Variants in ORAI2 observed in about 807,000 individuals in gnomAD.
The protein encoded by ORAI2 is ORAI calcium release-activated calcium modulator 2, also known as protein orai-2.
Under a neutral mutation model 16.2 loss-of-function variants are expected in ORAI2, and 10 were observed. That is an observed-to-expected ratio of 0.62 (90% CI 0.38 to 1.04). ORAI2 has a LOEUF of 1.04. ORAI2 is among the 50% of genes least tolerant of loss of function. The pLI, the probability that ORAI2 is intolerant of heterozygous loss-of-function variation, is 0.01. For missense variants in ORAI2, 238 were observed against 355.5 expected (o/e 0.67, Z 2.66); for synonymous variants, 150 against 157.5 (o/e 0.95, Z 0.35).
chr7:102,438,832 C>A, intron 2 of ORAI2, 112 bp from the exon 3 acceptor site: 1 of 932,088 alleles, frequency 1.1e-6, no homozygotes, highest in Non-Finnish European at 1.7e-6. Flanking sequence ...AACCCCTGGG[C>A]TCTGGCGTGG....
At position 102,451,524 on chromosome 7, in the gene ORAI2, T is replaced by C. The variant is rs1195028562; in HGVS notation, c.*4472T>C. 6 of 152,224 alleles carry C rather than the reference T, an allele frequency of 3.9e-5. No homozygotes were observed. The highest frequency in any genetic ancestry group is 1.4e-4 in the African/African-American group (6 of 41,462). The allele number at this position is 152,224 out of a possible 1,614,324, so 9.4% of individuals were successfully genotyped here. On this transcript the variant is annotated 3_prime_UTR_variant, in exon 4 of 4. Transcript: ENST00000495936. ...TGATCTATGCATGGCGTTATGTAGATCACGTGCGGCAGAGACAGCCACTGT... is the reference window on the plus strand; with the variant it reads ...TGATCTATGCATGGCGTTATGTAGACCACGTGCGGCAGAGACAGCCACTGT...
At chr7:102,438,462 A>T (rs1484862341) in intron 2 of ORAI2, among the ~76,000 whole-genome samples, 1 of 152,182 alleles carries the variant, frequency 6.6e-6, no homozygotes, top group Non-Finnish European at 1.5e-5. Flanking sequence ...AGTAGAGTCA[A>T]ATCCAGGTTT....
intron 3 of ORAI2, among the ~76,000 whole-genome samples, chr7:102,442,454 C>T (rs1797231309): frequency 6.6e-6 from 1 of 151,958 alleles, no homozygotes; most frequent in African/African-American, 2.4e-5. Flanking sequence ...TTTGGGAGGC[C>T]GAGGCGGGCA....
Position 102,447,950 on chromosome 7 carries a change from C to T in ORAI2, c.*898C>T, listed in dbSNP as rs1421718251. 2 of 152,372 alleles carry T rather than the reference C, an allele frequency of 1.3e-5. No homozygotes were observed. Among genetic ancestry groups the T allele is most frequent in the African/African-American group, 4.8e-5 (2 of 41,482 alleles). The allele number at this position is 152,372 out of a possible 1,614,324, so 9.4% of individuals were successfully genotyped here. On this transcript the variant is annotated 3_prime_UTR_variant, in exon 4 of 4. Coordinates refer to ENST00000495936, the MANE Select transcript of ORAI2 (RefSeq NM_001126340.3). Reference sequence around the variant, plus strand: ...CACAGAATGGCCTCTAAGGCTGACTCAGCCACTCCCTTGGGCTGTGGCAGC... The same window carrying T: ...CACAGAATGGCCTCTAAGGCTGACTTAGCCACTCCCTTGGGCTGTGGCAGC...
chr7:102,445,797 C>A (rs1797337535), intron 3 of ORAI2, among the ~76,000 whole-genome samples: 1 of 151,936 alleles, frequency 6.6e-6, no homozygotes, highest in South Asian at 2.1e-4. Context: ...TCACTTCTTT[C>A]TTTTGTTTCC....
At position 102,446,950 on chromosome 7, in the gene ORAI2, C is replaced by T; in HGVS notation, c.663C>T (p.Ser221=). The T allele has an allele frequency of 6.2e-7, 1 of 1,612,096 alleles. No individual in the cohort carries two copies. The highest frequency in any genetic ancestry group is 8.5e-7 in the Non-Finnish European group (1 of 1,179,858). ...TCTTCACCATCCACTTCTACCGCTC[C>T]CTGGTGCGCCACAAAACGGAGCGCC... ...FVVFTIHFYR[S]LVRHKTERHN... is the part of the protein sequence containing the mutation. Residue 221 remains serine (S), a synonymous_variant, in exon 4 of 4, where the codon TCC becomes TCT. Coordinates refer to ENST00000495936, the MANE Select transcript of ORAI2 (RefSeq NM_001126340.3).
intron 3 of ORAI2, among the ~76,000 whole-genome samples, chr7:102,439,475 G>C (rs1797141956): frequency 6.6e-6 from 1 of 152,174 alleles, no homozygotes; most frequent in Admixed American, 6.5e-5. Flanking sequence ...GGTAATTATA[G>C]TAGCTCAGGT....
Position 102,447,788 on chromosome 7 carries a change from G to A in ORAI2, c.*736G>A. 6.6e-6 allele frequency: 1 copy of A among 152,324 alleles called. No individual in the cohort carries two copies. The highest frequency in any genetic ancestry group is 1.5e-5 in the Non-Finnish European group (1 of 68,042). The allele number at this position is 152,324 out of a possible 1,614,324, so 9.4% of individuals were successfully genotyped here. A position where few individuals can be genotyped will look rare whatever the true frequency, so the allele number is the denominator to read the frequency against. On this transcript the variant is annotated 3_prime_UTR_variant, in exon 4 of 4. Transcript: ENST00000495936. ...CCCTTGAGGAGGCTGAGTTATTTGA[G>A]GGCTGCTGCAAAGTACGCTAGGCTC... is the stretch of plus-strand genomic sequence containing the variant.
At chr7:102,439,549 C>T (rs1456924663) in intron 3 of ORAI2, among the ~76,000 whole-genome samples, 3 of 152,008 alleles carry the variant, frequency 2.0e-5, no homozygotes, top group Non-Finnish European at 4.4e-5. Flanking sequence ...AGCTTGAGGC[C>T]AGGAGTTTGA....
intron 3 of ORAI2, among the ~76,000 whole-genome samples, chr7:102,444,539 A>T (rs1348150308): frequency 8.9e-6 from 1 of 111,984 alleles, no homozygotes; most frequent in African/African-American, 3.5e-5. Flanking sequence ...AAGTGCTGGG[A>T]TTACAGGCAT....
At position 102,446,581 on chromosome 7, in the gene ORAI2, C is replaced by T. The variant is rs762489480; in HGVS notation, c.294C>T (p.Ser98=). 10 of 1,613,484 alleles carry T rather than the reference C, an allele frequency of 6.2e-6. No individual in the cohort carries two copies. Among genetic ancestry groups the T allele is most frequent in the East Asian group, 2.2e-5 (1 of 44,882 alleles). Residue 98 remains serine, a synonymous_variant, in exon 4 of 4, where the codon AGC becomes AGT. Coordinates refer to ENST00000495936, the MANE Select transcript of ORAI2 (RefSeq NM_001126340.3). ...QYPRPLLIAF[S]ACTTVLVAVH... Reference sequence around the variant, plus strand: ...CGCGGCCGCTGCTGATTGCCTTCAGCGCCTGCACCACGGTGCTGGTGGCCG... The same window carrying T: ...CGCGGCCGCTGCTGATTGCCTTCAGTGCCTGCACCACGGTGCTGGTGGCCG...
At chr7:102,434,759 C>A (rs982256605) in intron 1 of ORAI2, 1 of 152,730 alleles carries the variant, frequency 6.5e-6, no homozygotes, top group Non-Finnish European at 1.5e-5. Flanking sequence ...TCATGCTGCC[C>A]AGACCCTCTG....
rs959027404 is a variant in ORAI2, at chr7:102,449,646, G to A, written c.*2594G>A. On this transcript the variant is annotated 3_prime_UTR_variant, in exon 4 of 4. Coordinates refer to ENST00000495936, the MANE Select transcript of ORAI2 (RefSeq NM_001126340.3). ...CGCTTGAACGCAGGAGGCAGAGGTT[G>A]CAGTGAGCTGAGATCGTGCCACTGC... is the stretch of plus-strand genomic sequence containing the variant. The A allele has an allele frequency of 3.3e-5, 5 of 152,242 alleles. No homozygotes were observed. Among genetic ancestry groups the A allele is most frequent in the African/African-American group, 1.2e-4 (5 of 41,448 alleles). 9.4% of individuals were successfully genotyped at this position (152,242 alleles called of 1,614,324 possible).
chr7:102,443,339 C>T (rs144860561), intron 3 of ORAI2, among the ~76,000 whole-genome samples: 4,599 of 145,898 alleles, frequency 0.032, 262 homozygotes, highest in African/African-American at 0.11. Context: ...AGTGCAGTGG[C>T]GCGATCTCGG....
chr7:102,438,409 A>G (rs756163006), intron 2 of ORAI2, among the ~76,000 whole-genome samples: 2 of 152,240 alleles, frequency 1.3e-5, no homozygotes, highest in Non-Finnish European at 2.9e-5. Flanking sequence ...TCACGATGAA[A>G]GAGCCAGGTC....
intron 1 of ORAI2, among the ~76,000 whole-genome samples, chr7:102,435,216 A>T (rs568668384): frequency 6.6e-5 from 10 of 152,142 alleles, no homozygotes; most frequent in Non-Finnish European, 1.2e-4. Flanking sequence ...ATTTGCAGGG[A>T]GCTGAGATTG....
At chr7:102,436,578 C>T (rs1208641040) in intron 2 of ORAI2, among the ~76,000 whole-genome samples, 1 of 152,174 alleles carries the variant, frequency 6.6e-6, no homozygotes, top group East Asian at 1.9e-4. Flanking sequence ...GCACTCCCCA[C>T]TCCACCCGTC....
At position 102,454,192 on chromosome 7, in the gene ORAI2, C is replaced by A. The variant is rs138986511; in HGVS notation, c.*7140C>A. 140 of 152,080 alleles carry A rather than the reference C, an allele frequency of 9.2e-4. 3 individuals are homozygous for A. The East Asian group carries it at 0.013, about 14-fold the overall frequency. The allele number at this position is 152,080 out of a possible 1,614,324, so 9.4% of individuals were successfully genotyped here. A position where few individuals can be genotyped will look rare whatever the true frequency, so the allele number is the denominator to read the frequency against. The stretch of plus-strand genomic sequence containing the variant: ...GGCGGATCGCTTGAGCCAAGGAGTT[C>A]GAGACCAGCCTGGGCAACATTACGA... On this transcript the variant is annotated 3_prime_UTR_variant, in exon 4 of 4. Coordinates refer to ENST00000495936, the MANE Select transcript of ORAI2 (RefSeq NM_001126340.3).
chr7:102,443,133 T>TCTTCTTC (rs776376067), intron 3 of ORAI2, among the ~76,000 whole-genome samples: 103 of 72,426 alleles, frequency 1.4e-3, no homozygotes, highest in African/African-American at 5.9e-3. Context: ...TTCTTCTTCT[T>TCTTCTTC]TTTTTTTTTT....
Sources: allele counts gnomAD v4.1 joint callset (sites outside exome capture counted in the v4.1 genomes callset), GRCh38; gene constraint gnomAD v4.1.1; transcripts MANE v1.5; gene names NCBI Gene and HGNC (gene_info 2026-07-23, HGNC 2026-07-21).